The following FTCDNL1 variants were observed in gnomAD, a reference collection of about 807,000 sequenced individuals.
FTCDNL1 encodes the protein formiminotransferase N-terminal subdomain-containing protein.
FTCDNL1 carries 11 observed loss-of-function variants against 5.9 expected under a neutral mutation model. The observed-to-expected ratio is 1.87, with a 90% CI of 1.18 to 3.10. FTCDNL1 has a LOEUF of 3.10. Among genes scored for constraint, FTCDNL1 ranks in the 30% most tolerant of loss-of-function variants. The pLI is 0.00. For missense variants in FTCDNL1, 115 were observed against 65.5 expected (o/e 1.76, Z -2.61); for synonymous variants, 58 against 24.8 (o/e 2.34, Z -3.99).
the FTCDNL1 span, among the ~76,000 whole-genome samples, chr2:199,706,582 C>T: frequency 6.6e-6 from 1 of 152,212 alleles, no homozygotes; most frequent in East Asian, 1.9e-4. Flanking sequence ...TGTTCATCCA[C>T]ATGCCTTTAT....
At chr2:199,666,087 GT>G in the FTCDNL1 span, among the ~76,000 whole-genome samples, 1 of 152,148 alleles carries the variant, frequency 6.6e-6, no homozygotes, top group African/African-American at 2.4e-5. Flanking sequence ...CTGTATCTCA[GT>G]TTCCTCACCT....
chr2:199,740,085 T>C, the FTCDNL1 span, among the ~76,000 whole-genome samples: 1 of 152,230 alleles, frequency 6.6e-6, no homozygotes. Context: ...TTAATTTCAA[T>C]TACCGCACCT....
chr2:199,832,391 A>G (rs1262973766), intron 3 of FTCDNL1, among the ~76,000 whole-genome samples: 1 of 152,150 alleles, frequency 6.6e-6, no homozygotes, highest in Admixed American at 6.5e-5. Flanking sequence ...TCACAATAGC[A>G]TTTACTATAG....
At chr2:199,842,267 C>CA (rs1297595795) in intron 3 of FTCDNL1, among the ~76,000 whole-genome samples, 1 of 151,970 alleles carries the variant, frequency 6.6e-6, no homozygotes, top group Non-Finnish European at 1.5e-5. Context: ...GACTCCATCT[C>CA]AAAAAATTTA....
At chr2:199,777,923 CA>C (rs531026966) in intron 3 of FTCDNL1, among the ~76,000 whole-genome samples, 177 of 152,034 alleles carry the variant, frequency 1.2e-3, no homozygotes, top group Non-Finnish European at 2.3e-3. Context: ...TAAAAGATAT[CA>C]AAAAATAGAA....
chr2:199,778,995 C>A (rs776736361), intron 3 of FTCDNL1, among the ~76,000 whole-genome samples: 2 of 152,176 alleles, frequency 1.3e-5, no homozygotes, highest in Non-Finnish European at 2.9e-5. Flanking sequence ...TCAGTCGTAT[C>A]TTTTTCCATC....
intron 3 of FTCDNL1, among the ~76,000 whole-genome samples, chr2:199,832,096 GGTT>G (rs1264348089): frequency 1.1e-4 from 17 of 152,044 alleles, no homozygotes; most frequent in African/African-American, 3.4e-4. Flanking sequence ...AATCCAAGAA[GGTT>G]GTTATTTCCT....
the FTCDNL1 span, among the ~76,000 whole-genome samples, chr2:199,668,641 T>TA: frequency 1.3e-5 from 2 of 152,152 alleles, no homozygotes; most frequent in Admixed American, 6.5e-5. Context: ...CCTTGGTTGT[T>TA]ATGTTTGTCA....
At chr2:199,747,366 T>C in the FTCDNL1 span, among the ~76,000 whole-genome samples, 2 of 152,194 alleles carry the variant, frequency 1.3e-5, no homozygotes, top group Non-Finnish European at 2.9e-5. Context: ...GCACACATTT[T>C]TGCGGCCTGG....
At chr2:199,673,210 C>T in the FTCDNL1 span, among the ~76,000 whole-genome samples, 99,463 of 151,440 alleles carry the variant, frequency 0.66, 36,056 homozygotes, top group South Asian at 0.89. Flanking sequence ...TGCCTGTAAT[C>T]CCAGCTACTT....
intron 3 of FTCDNL1, among the ~76,000 whole-genome samples, chr2:199,764,472 T>C (rs776558406): frequency 1.3e-5 from 2 of 152,216 alleles, no homozygotes; most frequent in South Asian, 2.1e-4. Flanking sequence ...CAAAGTCATA[T>C]GCTGTGCTAA....
At chr2:199,671,412 A>C in the FTCDNL1 span, among the ~76,000 whole-genome samples, 1 of 152,000 alleles carries the variant, frequency 6.6e-6, no homozygotes, top group African/African-American at 2.4e-5. Context: ...AGGGCATTCC[A>C]GGCAGAGGGA....
At chr2:199,721,848 G>A in the FTCDNL1 span, among the ~76,000 whole-genome samples, 123 of 152,240 alleles carry the variant, frequency 8.1e-4, no homozygotes, top group Non-Finnish European at 1.5e-3. Context: ...TCTCATTGTG[G>A]TTTTGATTTG....
At chr2:199,837,620 C>T (rs1574669639) in intron 3 of FTCDNL1, among the ~76,000 whole-genome samples, 1 of 151,952 alleles carries the variant, frequency 6.6e-6, no homozygotes, top group South Asian at 2.1e-4. Flanking sequence ...GGAGTGTTGA[C>T]GCTGTGTGAA....
chr2:199,750,857 T>A, the FTCDNL1 span, among the ~76,000 whole-genome samples: 1 of 152,264 alleles, frequency 6.6e-6, no homozygotes, highest in Admixed American at 6.5e-5. Flanking sequence ...AACATAATTT[T>A]GCCATGCCAT....
the FTCDNL1 span, among the ~76,000 whole-genome samples, chr2:199,673,257 G>T: frequency 1.3e-5 from 2 of 149,160 alleles, no homozygotes; most frequent in East Asian, 4.0e-4. Flanking sequence ...AGACCTGGGA[G>T]GTGGAGGTTG....
At chr2:199,689,574 C>A in the FTCDNL1 span, among the ~76,000 whole-genome samples, 3 of 152,230 alleles carry the variant, frequency 2.0e-5, no homozygotes, top group African/African-American at 7.2e-5. Context: ...TGGCCCATAA[C>A]CTCACCCCTG....
At chr2:199,816,006 A>AAAAGG (rs1553545026) in intron 4 of FTCDNL1, among the ~76,000 whole-genome samples, 1 of 148,798 alleles carries the variant, frequency 6.7e-6, no homozygotes, top group Non-Finnish European at 1.5e-5. Flanking sequence ...TCTCAAAAAA[A>AAAAGG]AAAGAAAGAA....
the FTCDNL1 span, among the ~76,000 whole-genome samples, chr2:199,694,235 T>G: frequency 1.3e-5 from 2 of 152,244 alleles, no homozygotes; most frequent in African/African-American, 2.4e-5. Flanking sequence ...GCAGCTGTTC[T>G]ACTTATATTC....
Sources: gnomAD v4.1 joint callset for allele counts (sites outside exome capture counted in the v4.1 genomes callset) on GRCh38, gnomAD v4.1.1 for gene constraint, MANE v1.5 for transcripts, NCBI Gene and HGNC (gene_info 2026-07-23, HGNC 2026-07-21) for gene names.